The following MTRR variants were observed in gnomAD, a reference collection of about 807,000 sequenced individuals.
The protein encoded by MTRR is methionine synthase reductase.
MTRR carries 63 observed loss-of-function variants against 79.2 expected under a neutral mutation model. The observed-to-expected ratio is 0.80, with a 90% CI of 0.65 to 0.98. The LOEUF (loss-of-function observed/expected upper bound fraction) is 0.98, where lower values mean the gene tolerates loss of function less well. Among genes scored for constraint, MTRR ranks in the 50% least tolerant of loss-of-function variants. The pLI, the probability that MTRR is intolerant of heterozygous loss-of-function variation, is 0.00. For missense variants in MTRR, 895 were observed against 839.6 expected (o/e 1.07, Z -0.82); for synonymous variants, 355 against 313.3 (o/e 1.13, Z -1.41).
intron 2 of MTRR, among the ~76,000 whole-genome samples, chr5:7,862,268 T>C (rs11134265): frequency 0.53 from 81,224 of 151,938 alleles, 23,606 homozygotes; most frequent in Middle Eastern, 0.66. Context: ...TGGAGTCTCT[T>C]GTCAGTGCTG....
intron 9 of MTRR, 82 bp from the exon 10 acceptor site, chr5:7,891,289 AT>A (rs71591748): frequency 0.21 from 75,547 of 362,394 alleles, 6,017 homozygotes; most frequent in African/African-American, 0.42. Flanking sequence ...AAGACATGGA[AT>A]TTTTTTTTTT....
chr5:7,852,185 G>T (rs1746095924), intron 1 of MTRR, among the ~76,000 whole-genome samples: 1 of 152,200 alleles, frequency 6.6e-6, no homozygotes. Flanking sequence ...GGAAGGAGCA[G>T]TGCCCTGCCT....
At position 7,886,696 on chromosome 5, in the gene MTRR, C is replaced by A. The variant is rs1360048756; in HGVS notation, c.1139C>A (p.Pro380His). ...FTWCLEIRAI[P>H]KKAFLRALVD... ...TGGTGTCTTGAAATCCGAGCAATTC[C>A]TAAAAAGGTATTTTTTTCTGTCTTC... Residue 380 changes from proline (P) to histidine (H), a missense_variant, in exon 8 of 15, where the codon CCT (proline) becomes CAT (histidine). Pro to His is a moderately conservative substitution (Grantham distance 77, BLOSUM62 -2). Transcript: ENST00000440940. The A allele has an allele frequency of 6.2e-7, 1 of 1,609,706 alleles. No individual in the cohort carries two copies. Among genetic ancestry groups the A allele is most frequent in the African/African-American group, 1.3e-5 (1 of 74,794 alleles).
intron 6 of MTRR, 35 bp from the exon 7 acceptor site, chr5:7,885,666 T>C: frequency 6.7e-7 from 1 of 1,502,618 alleles, no homozygotes; most frequent in East Asian, 2.3e-5. Context: ...ACACGTATAA[T>C]GTATTTTTTT....
chr5:7,869,765 TC>T (rs1424725165), intron 1 of MTRR: 2 of 172,426 alleles, frequency 1.2e-5, no homozygotes, highest in East Asian at 1.8e-4. Flanking sequence ...GGTTGATTGA[TC>T]CTGGGAAGCC....
chr5:7,858,925 A>G (rs557094912), intron 1 of MTRR, among the ~76,000 whole-genome samples: 5 of 152,148 alleles, frequency 3.3e-5, no homozygotes, highest in Admixed American at 1.3e-4. Context: ...CTAAATATTT[A>G]TTAAAAAAAA....
intron 1 of MTRR, 103 bp downstream of exon 1, chr5:7,869,318 C>T (rs1747435402): frequency 6.4e-6 from 9 of 1,415,638 alleles, no homozygotes; most frequent in Non-Finnish European, 6.8e-6. Flanking sequence ...CGGCTTGCGC[C>T]CGTGGTTCCC....
intron 2 of MTRR, chr5:7,862,996 C>T (rs1561097350): frequency 6.2e-7 from 1 of 1,611,536 alleles, no homozygotes; most frequent in Non-Finnish European, 8.5e-7. Context: ...GAGTTTTGGA[C>T]CCTAAAAAAT....
chr5:7,900,179 C>T lies in MTRR; in HGVS notation c.*121C>T. The T allele has an allele frequency of 8.8e-7, 1 of 1,130,314 alleles. No homozygotes were observed. The highest frequency in any genetic ancestry group is 1.3e-6 in the Non-Finnish European group (1 of 785,916). 70.0% of individuals were successfully genotyped at this position (1,130,314 alleles called of 1,614,324 possible). On this transcript the variant is annotated 3_prime_UTR_variant, in exon 15 of 15. Transcript: ENST00000440940. ...TTTTCTTTCAACATTTCTTGAAGGA[C>T]ATGGAGTGGAGATTGGATCATTTAA... is the stretch of plus-strand genomic sequence containing the variant.
At chr5:7,854,606 T>A (rs1746182966) in intron 1 of MTRR, among the ~76,000 whole-genome samples, 1 of 152,084 alleles carries the variant, frequency 6.6e-6, no homozygotes, top group Non-Finnish European at 1.5e-5. Flanking sequence ...AAACCCCTGA[T>A]AAAACTATCA....
At chr5:7,883,360 T>G in intron 6 of MTRR, 83 bp downstream of exon 6, 1 of 1,572,752 alleles carries the variant, frequency 6.4e-7, no homozygotes, top group African/African-American at 1.3e-5. Context: ...TTATATATGC[T>G]GAGTGGTGTG....
intron 4 of MTRR, among the ~76,000 whole-genome samples, chr5:7,876,476 T>C (rs1418046955): frequency 2.0e-5 from 3 of 152,258 alleles, no homozygotes. Flanking sequence ...ATTTTCTCTG[T>C]TGATTTATTG....
At chr5:7,875,878 C>T (rs1172704319) in intron 4 of MTRR, among the ~76,000 whole-genome samples, 1 of 152,212 alleles carries the variant, frequency 6.6e-6, no homozygotes, top group African/African-American at 2.4e-5. Context: ...CAGACGTTTA[C>T]AGACGCATAC....
At chr5:7,862,389 T>A (rs1014602530) in intron 2 of MTRR, among the ~76,000 whole-genome samples, 9 of 152,104 alleles carry the variant, frequency 5.9e-5, no homozygotes, top group African/African-American at 2.2e-4. Context: ...AGGAATTGAA[T>A]TTTCTTAAAC....
intron 1 of MTRR, chr5:7,861,610 G>C: frequency 6.2e-7 from 1 of 1,605,020 alleles, no homozygotes; most frequent in East Asian, 2.2e-5. Flanking sequence ...ATTAGCTGTG[G>C]ATGGCAATAC....
At chr5:7,855,736 T>C (rs1264366007) in intron 1 of MTRR, among the ~76,000 whole-genome samples, 5 of 152,194 alleles carry the variant, frequency 3.3e-5, no homozygotes, top group Non-Finnish European at 4.4e-5. Context: ...AGTAGGGTTA[T>C]TAAGATTGTT....
upstream of MTRR, chr5:7,867,283 A>C: frequency 6.2e-7 from 1 of 1,613,760 alleles, no homozygotes; most frequent in Admixed American, 1.7e-5. Context: ...CCACTTTTTC[A>C]GTACATGCCT....
upstream of MTRR, chr5:7,867,653 T>G: frequency 6.2e-7 from 1 of 1,614,228 alleles, no homozygotes; most frequent in Non-Finnish European, 8.5e-7. Flanking sequence ...TTGATCACCA[T>G]CCTTTTTTTC....
chr5:7,861,889 G>T, intron 1 of MTRR: 1 of 675,874 alleles, frequency 1.5e-6, no homozygotes, highest in Non-Finnish European at 2.1e-6. Context: ...CACAGAATGG[G>T]TTCTGAAGTT....
Sources: allele counts gnomAD v4.1 joint callset (sites outside exome capture counted in the v4.1 genomes callset), GRCh38; gene constraint gnomAD v4.1.1; transcripts MANE v1.5; gene names NCBI Gene and HGNC (gene_info 2026-07-23, HGNC 2026-07-21).